NAT10: variants seen among roughly 807,000 people sequenced by gnomAD.
NAT10 encodes RNA cytidine acetyltransferase.
Under a neutral mutation model 132.2 loss-of-function variants are expected in NAT10, and 109 were observed. The observed-to-expected ratio is 0.82, with a 90% CI of 0.71 to 0.97. The LOEUF is 0.97. Among genes scored for constraint, NAT10 ranks in the 50% least tolerant of loss-of-function variants. The probability of loss-of-function intolerance (pLI) is 0.00; values close to 1 mark genes in which losing one functional copy is unlikely to be tolerated. For synonymous variants in NAT10, 479 were observed against 478.0 expected, an observed-to-expected ratio of 1.00 and a Z score of -0.03; for missense variants, 1,184 against 1,263.4, an observed-to-expected ratio of 0.94 and a Z score of 0.95.
intron 12 of NAT10, among the ~76,000 whole-genome samples, chr11:34,129,240 A>G (rs1022405992): frequency 3.9e-5 from 6 of 152,206 alleles, no homozygotes; most frequent in South Asian, 2.1e-4. Flanking sequence ...TGCACATTCT[A>G]CGTTCCCACC....
At chr11:34,116,033 G>A (rs1565108339) in intron 6 of NAT10, 149 bp downstream of exon 6, 1 of 718,598 alleles carries the variant, frequency 1.4e-6, no homozygotes, top group Non-Finnish European at 2.2e-6. Flanking sequence ...CAGCAGTTGT[G>A]AGACTAACTG....
chr11:34,134,787 G>A (rs1057271094), intron 18 of NAT10, among the ~76,000 whole-genome samples: 7 of 152,180 alleles, frequency 4.6e-5, no homozygotes, highest in Non-Finnish European at 7.3e-5. Context: ...TTGTGAGAAC[G>A]AGGACTTGTG....
chr11:34,124,209 C>T (rs911047185), intron 10 of NAT10, 93 bp from the exon 11 acceptor site: 7 of 821,148 alleles, frequency 8.5e-6, no homozygotes, highest in Admixed American at 7.2e-5. Context: ...GGTTTAAATC[C>T]AAGTGAAGTC....
intron 1 of NAT10, among the ~76,000 whole-genome samples, chr11:34,107,900 G>T (rs1234338149): frequency 6.6e-6 from 1 of 152,210 alleles, no homozygotes; most frequent in African/African-American, 2.4e-5. Flanking sequence ...TTGGATATTT[G>T]GATATCTCCT....
At chr11:34,133,980 T>G (rs201453328) in intron 16 of NAT10, among the ~76,000 whole-genome samples, 19 of 149,548 alleles carry the variant, frequency 1.3e-4, no homozygotes, top group Admixed American at 2.7e-4. Flanking sequence ...GTGAAACCCC[T>G]TCTCTACTAA....
intron 5 of NAT10, among the ~76,000 whole-genome samples, chr11:34,114,784 A>G (rs1416080496): frequency 1.3e-5 from 2 of 151,996 alleles, no homozygotes. Context: ...AACCGGCTTT[A>G]TTTTTCTTCA....
In NAT10 at chr11:34,141,609, G is replaced by A. The variant is rs182157223; in HGVS notation, c.2713-110G>A. On this transcript the variant is annotated intron_variant, in intron 25 of 28. Coordinates refer to ENST00000257829, the MANE Select transcript of NAT10 (RefSeq NM_024662.3). ...TTCCTAAACTGTAGAGTGTTGCTTT[G>A]TGTCTTCAAAATGCACACCTTTCTA... The A allele has an allele frequency of 9.1e-5, 83 of 912,930 alleles. No individual in the cohort carries two copies. In the Admixed American group the frequency reaches 1.7e-3, roughly 19 times the overall value. The allele number at this position is 912,930 out of a possible 1,614,324, so 56.6% of individuals were successfully genotyped here. A position where few individuals can be genotyped will look rare whatever the true frequency, so the allele number is the denominator to read the frequency against.
chr11:34,141,862 G>T, intron 26 of NAT10, 45 bp downstream of exon 26: 1 of 1,520,234 alleles, frequency 6.6e-7, no homozygotes, highest in East Asian at 2.3e-5. Context: ...ATTTCCATCA[G>T]TTGCCTTAGG....
At chr11:34,108,915 A>G in intron 3 of NAT10, 82 bp downstream of exon 3, 2 of 1,282,516 alleles carry the variant, frequency 1.6e-6, no homozygotes, top group Non-Finnish European at 2.2e-6. Context: ...TCCTTCACAT[A>G]TTTTTTAAGG....
rs1852017740 is a variant in NAT10 at position 34,127,542 on chromosome 11, C to A, written c.1187C>A (p.Pro396His). 1 of 1,614,184 alleles carries A rather than the reference C, an allele frequency of 6.2e-7. No homozygotes were observed. Residue 396 changes from proline to histidine, a missense_variant, in exon 12 of 29, where the codon CCC becomes CAC. Physicochemically the swap from Pro to His is moderately conservative, Grantham distance 77 (BLOSUM62 -2). Transcript: ENST00000257829. ...VIDEAAAIPL[P>H]LVKSLLGPYL... ...GATGAAGCTGCCGCCATCCCCCTCC[C>A]CTTGGTGAAGAGCCTACTTGGCCCC...
rs1214172700 is a variant in NAT10 at position 34,141,113 on chromosome 11, C to G, written c.2617C>G (p.Gln873Glu). The change falls in exon 25 of 29, where the codon CAG becomes GAG. Residue 873 changes from glutamine to glutamate, a missense_variant. Physicochemically the swap from Gln to Glu is conservative, Grantham distance 29 (BLOSUM62 2). Coordinates refer to ENST00000257829, the MANE Select transcript of NAT10 (RefSeq NM_024662.3). ...QSALLLGIGLQHKSVDQLEKE... is the reference protein window; with the variant it reads ...QSALLLGIGLEHKSVDQLEKE... The stretch of plus-strand genomic sequence containing the variant: ...GGCTCTTCTCTTGGGGATTGGCCTG[C>G]AGCATAAGTCTGTGGACCAGCTGGA... 3 of 1,613,972 alleles carry G rather than the reference C, an allele frequency of 1.9e-6. No individual in the cohort carries two copies. Among genetic ancestry groups the G allele is most frequent in the Non-Finnish European group, 2.5e-6 (3 of 1,179,992 alleles).
chr11:34,123,868 G>T lies in NAT10; in HGVS notation c.1008+13G>T, dbSNP rs1213737732. 1 of 1,589,502 alleles carries T rather than the reference G, an allele frequency of 6.3e-7. No individual in the cohort carries two copies. Among genetic ancestry groups the T allele is most frequent in the East Asian group, 2.2e-5 (1 of 44,742 alleles). On this transcript the variant is annotated intron_variant, in intron 10 of 28. Transcript: ENST00000257829. The stretch of plus-strand genomic sequence containing the variant: ...TCTGCAATATCAGGTAGGAAATTTG[G>T]ATTAAGAATTTTTATTTTGGACCTG...
At chr11:34,134,247 A>C in intron 16 of NAT10, 72 bp from the exon 17 acceptor site, 1 of 1,316,432 alleles carries the variant, frequency 7.6e-7, no homozygotes, top group Non-Finnish European at 1.1e-6. Flanking sequence ...TTCGAGAAAC[A>C]AGCTATATTC....
chr11:34,133,185 C>T (rs748382062), intron 16 of NAT10, 43 bp downstream of exon 16: 19 of 1,428,872 alleles, frequency 1.3e-5, no homozygotes, highest in Non-Finnish European at 1.3e-5. Flanking sequence ...TTTGGGGAAC[C>T]ACTGAGGCAT....
chr11:34,122,560 G>A lies in NAT10; in HGVS notation c.882G>A (p.Leu294=), dbSNP rs749876874. 6.2e-7 allele frequency: 1 copy of A among 1,614,174 alleles called. No individual in the cohort carries two copies. Among genetic ancestry groups the A allele is most frequent in the Non-Finnish European group, 8.5e-7 (1 of 1,180,040 alleles). ...AARGRGKSAA[L]GLAIAGAVAF... ...GAGGACGGGGAAAATCTGCAGCCCTGGGATTGGCGATTGCTGGGGCGGTGG... is the reference window on the plus strand; with the variant it reads ...GAGGACGGGGAAAATCTGCAGCCCTAGGATTGGCGATTGCTGGGGCGGTGG... The change falls in exon 9 of 29, where the codon CTG becomes CTA. Residue 294 remains leucine (L), a synonymous_variant. Coordinates refer to ENST00000257829, the MANE Select transcript of NAT10 (RefSeq NM_024662.3).
intron 4 of NAT10, among the ~76,000 whole-genome samples, 177 bp from the exon 5 acceptor site, chr11:34,113,539 A>G (rs1268868499): frequency 6.7e-6 from 1 of 148,808 alleles, no homozygotes; most frequent in African/African-American, 2.5e-5. Flanking sequence ...GCGGTGGCTC[A>G]TGCCTGTAAT....
chr11:34,122,400 T>C, intron 8 of NAT10, 59 bp from the exon 9 acceptor site: 1 of 1,606,596 alleles, frequency 6.2e-7, no homozygotes. Flanking sequence ...GTGATGGTGA[T>C]GAATGGTGGA....
chr11:34,131,350 C>G lies in NAT10; in HGVS notation c.1370-31C>G, dbSNP rs766687208. 1.9e-6 allele frequency: 3 copies of G among 1,578,314 alleles called. No individual in the cohort carries two copies. The South Asian group carries it at 3.5e-5, about 18-fold the overall frequency. ...GACAATACATATTTAATCATTGTTT[C>G]TTCTTTTGTGTGTGTGATTGTGGGG... On this transcript the variant is annotated intron_variant, in intron 13 of 28. Coordinates refer to ENST00000257829, the MANE Select transcript of NAT10 (RefSeq NM_024662.3).
intron 12 of NAT10, among the ~76,000 whole-genome samples, chr11:34,129,006 A>G (rs537589390): frequency 6.6e-6 from 1 of 152,344 alleles, no homozygotes; most frequent in Non-Finnish European, 1.5e-5. Context: ...ATAGTATTCT[A>G]TTGTATAGAT....
Sources: gnomAD v4.1 joint callset for allele counts (sites outside exome capture counted in the v4.1 genomes callset) on GRCh38, gnomAD v4.1.1 for gene constraint, MANE v1.5 for transcripts, NCBI Gene and HGNC (gene_info 2026-07-23, HGNC 2026-07-21) for gene names.